Variants in UNC5D observed in about 807,000 individuals in gnomAD.
The protein encoded by UNC5D is netrin receptor UNC5D.
In UNC5D, 39 loss-of-function variants were observed where a neutral mutation model predicts 105.4. The observed-to-expected ratio is 0.37, with a 90% confidence interval of 0.29 to 0.48. The LOEUF (loss-of-function observed/expected upper bound fraction) is 0.48, where lower values mean the gene tolerates loss of function less well. Among genes scored for constraint, UNC5D ranks in the 20% least tolerant of loss-of-function variants. The pLI, the probability that UNC5D is intolerant of heterozygous loss-of-function variation, is 0.98. For missense variants in UNC5D, 991 were observed against 1,202.4 expected, an observed-to-expected ratio of 0.82 and a Z score of 2.60; for synonymous variants, 452 against 450.4, an observed-to-expected ratio of 1.00 and a Z score of -0.04.
At chr8:35,729,608 T>A (rs1829080399) in intron 10 of UNC5D, among the ~76,000 whole-genome samples, 1 of 152,198 alleles carries the variant, frequency 6.6e-6, no homozygotes, top group African/African-American at 2.4e-5. Flanking sequence ...TTAGGTTGAC[T>A]TCCGAGCACA....
At chr8:35,300,060 A>G (rs1160618468) in intron 1 of UNC5D, among the ~76,000 whole-genome samples, 1 of 152,188 alleles carries the variant, frequency 6.6e-6, no homozygotes, top group Non-Finnish European at 1.5e-5. Flanking sequence ...ACCTATAGGA[A>G]GTGGATGAGG....
intron 4 of UNC5D, among the ~76,000 whole-genome samples, chr8:35,640,180 T>G (rs184669626): frequency 6.6e-6 from 1 of 152,308 alleles, no homozygotes; most frequent in Admixed American, 6.5e-5. Context: ...CAGTTTCTGC[T>G]TACACTTTAA....
Position 35,712,249 on chromosome 8 carries a change from C to T in UNC5D, c.1117+6288C>T, listed in dbSNP as rs191211506. Among the ~76,000 whole-genome samples the T allele has an allele frequency of 5.5e-3, 831 of 152,180 alleles. 10 individuals are homozygous for T. Among genetic ancestry groups the T allele is most frequent in the African/African-American group, 0.019 (791 of 41,526 alleles). ...TTGCGCCACTGTACTCCAGCCTGGA[C>T]GACAGAGTGAGACTCCATTTCAAAA... is the stretch of plus-strand genomic sequence containing the variant. On this transcript the variant is annotated intron_variant, in intron 8 of 16. Transcript: ENST00000404895.
chr8:35,317,261 C>T (rs1365480628), intron 1 of UNC5D, among the ~76,000 whole-genome samples: 1 of 152,070 alleles, frequency 6.6e-6, no homozygotes, highest in Non-Finnish European at 1.5e-5. Context: ...TAGATTGGTA[C>T]ACCTGTTCCT....
chr8:35,679,583 A>T (rs1279242043), intron 4 of UNC5D, among the ~76,000 whole-genome samples: 1 of 152,102 alleles, frequency 6.6e-6, no homozygotes, highest in African/African-American at 2.4e-5. Flanking sequence ...CCCCATAAGG[A>T]TTTTGTTAGC....
At chr8:35,338,570 A>C (rs1305104469) in intron 1 of UNC5D, among the ~76,000 whole-genome samples, 1 of 152,066 alleles carries the variant, frequency 6.6e-6, no homozygotes, top group Non-Finnish European at 1.5e-5. Flanking sequence ...TCTGTTAGAG[A>C]CCAGAGTACT....
chr8:35,546,199 T>C (rs969478786), intron 1 of UNC5D, among the ~76,000 whole-genome samples: 9 of 152,192 alleles, frequency 5.9e-5, no homozygotes, highest in African/African-American at 2.2e-4. Context: ...TGGCCTAAGA[T>C]TGACTGATCC....
At chr8:35,335,105 G>A (rs1294386385) in intron 1 of UNC5D, among the ~76,000 whole-genome samples, 1 of 152,146 alleles carries the variant, frequency 6.6e-6, no homozygotes, top group Non-Finnish European at 1.5e-5. Flanking sequence ...TATGCTGTGT[G>A]TGTATCAGTA....
intron 4 of UNC5D, among the ~76,000 whole-genome samples, chr8:35,646,310 A>T (rs1823048002): frequency 1.3e-5 from 2 of 152,112 alleles, no homozygotes; most frequent in Non-Finnish European, 1.5e-5. Context: ...AAGTGCTGAG[A>T]TGGCAGAAAT....
At chr8:35,641,326 T>TA (rs1822698473) in intron 4 of UNC5D, among the ~76,000 whole-genome samples, 1 of 135,710 alleles carries the variant, frequency 7.4e-6, no homozygotes, top group African/African-American at 2.8e-5. Flanking sequence ...ATTGTGGCTG[T>TA]ATGATGTATC....
At chr8:35,757,281 T>C (rs548195263) in intron 13 of UNC5D, among the ~76,000 whole-genome samples, 11 of 152,120 alleles carry the variant, frequency 7.2e-5, no homozygotes, top group Non-Finnish European at 1.0e-4. Context: ...GTCCTTAGCA[T>C]AGCAAGCAAG....
At chr8:35,652,088 G>A (rs1823445363) in intron 4 of UNC5D, among the ~76,000 whole-genome samples, 2 of 152,160 alleles carry the variant, frequency 1.3e-5, no homozygotes, top group Admixed American at 6.5e-5. Context: ...TGCTCTTATA[G>A]AAGTTGTTAT....
chr8:35,477,273 C>A (rs1290048707), intron 1 of UNC5D, among the ~76,000 whole-genome samples: 1 of 151,880 alleles, frequency 6.6e-6, no homozygotes, highest in Non-Finnish European at 1.5e-5. Context: ...CTTTTCATTT[C>A]TCATAATAAC....
At chr8:35,361,459 C>G (rs752203750) in intron 1 of UNC5D, among the ~76,000 whole-genome samples, 1 of 152,008 alleles carries the variant, frequency 6.6e-6, no homozygotes, top group East Asian at 1.9e-4. Context: ...GGACAAAAGT[C>G]GCAAAAAAGG....
intron 4 of UNC5D, among the ~76,000 whole-genome samples, chr8:35,663,966 C>A (rs1241524169): frequency 6.6e-6 from 1 of 152,112 alleles, no homozygotes; most frequent in Non-Finnish European, 1.5e-5. Flanking sequence ...TTGTAACCAC[C>A]AGCCAGATGT....
At chr8:35,428,958 C>T (rs976041292) in intron 1 of UNC5D, among the ~76,000 whole-genome samples, 3 of 151,988 alleles carry the variant, frequency 2.0e-5, no homozygotes, top group Admixed American at 6.6e-5. Context: ...TTAATTGATT[C>T]GTCATTGAGA....
chr8:35,592,424 G>T (rs1282490798), intron 3 of UNC5D, among the ~76,000 whole-genome samples: 2 of 152,088 alleles, frequency 1.3e-5, no homozygotes, highest in African/African-American at 4.8e-5. Context: ...AATTGGATCA[G>T]TTCCTGTCCG....
intron 3 of UNC5D, 137 bp downstream of exon 3, chr8:35,568,378 A>G (rs2130785942): frequency 7.8e-7 from 1 of 1,287,942 alleles, no homozygotes; most frequent in Non-Finnish European, 1.0e-6. Flanking sequence ...CTAAAATGTT[A>G]TTTTAAAATG....
intron 1 of UNC5D, among the ~76,000 whole-genome samples, chr8:35,274,583 C>T (rs2128840309): frequency 6.6e-6 from 1 of 152,300 alleles, no homozygotes; most frequent in East Asian, 1.9e-4. Flanking sequence ...ACCTCCAAAT[C>T]TCATTGCTGT....
Sources: gnomAD v4.1 joint callset for allele counts (sites outside exome capture counted in the v4.1 genomes callset) on GRCh38, gnomAD v4.1.1 for gene constraint, MANE v1.5 for transcripts, NCBI Gene and HGNC (gene_info 2026-07-23, HGNC 2026-07-21) for gene names.